The following TBX18 variants were observed in gnomAD, a reference collection of about 807,000 sequenced individuals.
The protein encoded by TBX18 is T-box transcription factor TBX18.
A neutral mutation model predicts 55.0 loss-of-function variants in TBX18; 21 were observed. The ratio of observed to expected loss-of-function variants is 0.38; its 90% CI spans 0.27 to 0.55. The LOEUF is 0.55. Ranked by LOEUF, TBX18 falls within the 20% of genes least tolerant of loss-of-function variation. The probability of loss-of-function intolerance (pLI) is 0.73; values close to 1 mark genes in which losing one functional copy is unlikely to be tolerated. For missense variants in TBX18, 840 were observed against 799.6 expected (o/e 1.05, Z -0.61); for synonymous variants, 342 against 326.1 (o/e 1.05, Z -0.53).
chr6:84,744,365 T>C (rs766928301), intron 5 of TBX18, 40 bp from the exon 6 acceptor site: 2 of 1,585,704 alleles, frequency 1.3e-6, no homozygotes, highest in Admixed American at 1.7e-5. Flanking sequence ...CTTATATAAA[T>C]GTCAAGCAAG....
At position 84,762,699 on chromosome 6, in the gene TBX18, C is replaced by G. The variant is rs1767687194; in HGVS notation, c.342G>C (p.Pro114=). Residue 114 remains proline (P), a synonymous_variant, in exon 2 of 8, where the codon CCG becomes CCC. Coordinates refer to ENST00000369663, the MANE Select transcript of TBX18 (RefSeq NM_001080508.3). ...CCGGAGACCCCTTGGGGGAGCCTCC[C>G]GGTGACGCCAGAGGGGAAGCTCCCT... ...FQQGASPLAS[P]GGSPKGSPAR... The G allele has an allele frequency of 1.9e-6, 3 of 1,610,712 alleles. No individual in the cohort carries two copies. In the South Asian group the frequency reaches 3.3e-5, roughly 18 times the overall value.
chr6:84,757,459 G>A (rs552957232), intron 3 of TBX18, among the ~76,000 whole-genome samples: 2 of 152,014 alleles, frequency 1.3e-5, no homozygotes, highest in African/African-American at 2.4e-5. Flanking sequence ...TATATATTGA[G>A]GACAAAGTAT....
At chr6:84,755,884 T>C (rs1767473720) in intron 4 of TBX18, among the ~76,000 whole-genome samples, 1 of 152,262 alleles carries the variant, frequency 6.6e-6, no homozygotes, top group Non-Finnish European at 1.5e-5. Flanking sequence ...TTCTCATAAA[T>C]ATGCTATCTT....
chr6:84,754,916 A>G (rs76600516), intron 4 of TBX18, among the ~76,000 whole-genome samples: 17,934 of 152,160 alleles, frequency 0.12, 1,205 homozygotes, highest in African/African-American at 0.14. Context: ...CTTCTTCCCT[A>G]GGTCTCCAGG....
rs911039186 is a variant in TBX18 at position 84,733,863 on chromosome 6, G to T, written c.*2822C>A. The T allele has an allele frequency of 6.6e-6, 1 of 152,086 alleles. No individual in the cohort carries two copies. The highest frequency in any genetic ancestry group is 1.5e-5 in the Non-Finnish European group (1 of 68,014). The allele number at this position is 152,086 out of a possible 1,614,324, so 9.4% of individuals were successfully genotyped here. A position where few individuals can be genotyped will look rare whatever the true frequency, so the allele number is the denominator to read the frequency against. ...GCTAATTGATGTAAAGAGTGAGTAT[G>T]ATCCTTCCTTATATAGGTTACACTG... On this transcript the variant is annotated 3_prime_UTR_variant, in exon 8 of 8. Transcript: ENST00000369663.
chr6:84,762,704 A>T lies in TBX18; in HGVS notation c.337T>A (p.Ser113Thr), dbSNP rs777230851. The change falls in exon 2 of 8, where the codon TCA becomes ACA. Residue 113 changes from serine to threonine, a missense_variant. Transcript: ENST00000369663. Reference protein sequence around the residue: ...GFQQGASPLASPGGSPKGSPA... With the variant: ...GFQQGASPLATPGGSPKGSPA... ...GACCCCTTGGGGGAGCCTCCCGGTGACGCCAGAGGGGAAGCTCCCTGCTGG... is the reference window on the plus strand; with the variant it reads ...GACCCCTTGGGGGAGCCTCCCGGTGTCGCCAGAGGGGAAGCTCCCTGCTGG... 6.2e-7 allele frequency: 1 copy of T among 1,610,688 alleles called. No homozygotes were observed. The highest frequency in any genetic ancestry group is 1.1e-5 in the South Asian group (1 of 90,932).
At chr6:84,762,333 A>G (rs917258330) in intron 2 of TBX18, among the ~76,000 whole-genome samples, 1 of 152,216 alleles carries the variant, frequency 6.6e-6, no homozygotes, top group Non-Finnish European at 1.5e-5. Flanking sequence ...ATTCAACCAG[A>G]GGGCAGTTGG....
Position 84,762,549 on chromosome 6 carries a change from G to C in TBX18, c.492C>G (p.Ala164=). ...CACGCCAGCTTGCCCATTACCTGCC[G>C]GCCTTGGTGATGATCATCTCAGTGC... ...EIGTEMIITK[A]GRRMFPAMRV... Residue 164 remains alanine, a synonymous_variant, in exon 2 of 8, where the codon GCC becomes GCG. Transcript: ENST00000369663. 6.2e-7 allele frequency: 1 copy of C among 1,614,040 alleles called. No individual in the cohort carries two copies. Among genetic ancestry groups the C allele is most frequent in the Non-Finnish European group, 8.5e-7 (1 of 1,180,022 alleles).
chr6:84,762,400 AC>A, intron 2 of TBX18, 143 bp downstream of exon 2: 1 of 977,284 alleles, frequency 1.0e-6, no homozygotes, highest in Non-Finnish European at 1.6e-6. Flanking sequence ...AAAGTGAACC[AC>A]GGTCTGGGGC....
At position 84,763,884 on chromosome 6, in the gene TBX18, A is replaced by G; in HGVS notation, c.292+6T>C. The G allele has an allele frequency of 6.7e-7, 1 of 1,497,602 alleles. No homozygotes were observed. The highest frequency in any genetic ancestry group is 8.8e-7 in the Non-Finnish European group (1 of 1,133,154). The allele number at this position is 1,497,602 out of a possible 1,614,324, so 92.8% of individuals were successfully genotyped here. A position where few individuals can be genotyped will look rare whatever the true frequency, so the allele number is the denominator to read the frequency against. On this transcript the variant is annotated splice_donor_region_variant and intron_variant, in intron 1 of 7. Transcript: ENST00000369663. ...AGAAGTTATAGGCAGGAAGGGGCCCACTCACCCGCGGCTCCGCGCTCCAGG... is the reference window on the plus strand; with the variant it reads ...AGAAGTTATAGGCAGGAAGGGGCCCGCTCACCCGCGGCTCCGCGCTCCAGG...
chr6:84,738,654 T>C (rs1766958050), intron 6 of TBX18, 63 bp from the exon 7 acceptor site: 21 of 1,244,422 alleles, frequency 1.7e-5, no homozygotes, highest in Admixed American at 6.7e-5. Flanking sequence ...ATTTGGATCT[T>C]TCACCAGCAG....
chr6:84,761,360 A>G (rs1658820429), intron 2 of TBX18, among the ~76,000 whole-genome samples: 1 of 152,176 alleles, frequency 6.6e-6, no homozygotes. Context: ...CTAACTAGGT[A>G]TGGGAACAGT....
chr6:84,739,408 A>G (rs946916955), intron 6 of TBX18, among the ~76,000 whole-genome samples: 5 of 152,108 alleles, frequency 3.3e-5, no homozygotes, highest in Non-Finnish European at 5.9e-5. Context: ...TATATCAACC[A>G]TCTCCTACCA....
intron 4 of TBX18, among the ~76,000 whole-genome samples, chr6:84,750,503 C>T (rs1294258101): frequency 6.6e-6 from 1 of 152,048 alleles, no homozygotes; most frequent in African/African-American, 2.4e-5. Flanking sequence ...ATGCAGGGTT[C>T]TGTGTGACAT....
At chr6:84,746,780 T>C (rs1767206331) in intron 5 of TBX18, among the ~76,000 whole-genome samples, 1 of 150,320 alleles carries the variant, frequency 6.7e-6, no homozygotes, top group South Asian at 2.1e-4. Flanking sequence ...GGTCCTATTA[T>C]TATTAGCATG....
chr6:84,755,952 T>C (rs1767475921), intron 4 of TBX18, among the ~76,000 whole-genome samples: 1 of 152,240 alleles, frequency 6.6e-6, no homozygotes. Context: ...TGATATATTC[T>C]TCGAAAGGCA....
In TBX18 at chr6:84,764,175, C is replaced by G. The variant is rs759307611; in HGVS notation, c.7G>C (p.Glu3Gln). Residue 3 changes from glutamate (E) to glutamine (Q), a missense_variant, in exon 1 of 8, where the codon GAG becomes CAG. Transcript: ENST00000369663. MA[E>Q]KRRGSPCSML... ...CTGCACGGCGAGCCCCTTCGCTTCT[C>G]GGCCATCCCCCCCGCCCCGCGCCCG... 6.8e-7 allele frequency: 1 copy of G among 1,477,512 alleles called. No homozygotes were observed. Among genetic ancestry groups the G allele is most frequent in the Non-Finnish European group, 8.9e-7 (1 of 1,121,990 alleles). The allele number at this position is 1,477,512 out of a possible 1,614,324, so 91.5% of individuals were successfully genotyped here.
In TBX18 at chr6:84,763,891, C is replaced by T. The variant is rs1192420643; in HGVS notation, c.291G>A (p.Ala97=). 2 of 1,503,446 alleles carry T rather than the reference C, an allele frequency of 1.3e-6. No individual in the cohort carries two copies. The highest frequency in any genetic ancestry group is 1.8e-6 in the Non-Finnish European group (2 of 1,136,404). 93.1% of individuals were successfully genotyped at this position (1,503,446 alleles called of 1,614,324 possible). The change falls in exon 1 of 8, where the codon GCG becomes GCA. Residue 97 remains alanine (A), a splice_region_variant and synonymous_variant. Transcript: ENST00000369663. ...RSGADLERGA[A]GGCEDGFQQG... Reference sequence around the variant, plus strand: ...ATAGGCAGGAAGGGGCCCACTCACCCGCGGCTCCGCGCTCCAGGTCTGCGC... The same window carrying T: ...ATAGGCAGGAAGGGGCCCACTCACCTGCGGCTCCGCGCTCCAGGTCTGCGC...
At chr6:84,762,840 G>C (rs1405619412) in intron 1 of TBX18, 92 bp from the exon 2 acceptor site, 1 of 1,240,258 alleles carries the variant, frequency 8.1e-7, no homozygotes, top group Non-Finnish European at 1.1e-6. Flanking sequence ...CTGAGAAGAG[G>C]AAAATGACCG....
Sources: gnomAD v4.1 joint callset for allele counts (sites outside exome capture counted in the v4.1 genomes callset) on GRCh38, gnomAD v4.1.1 for gene constraint, MANE v1.5 for transcripts, NCBI Gene and HGNC (gene_info 2026-07-23, HGNC 2026-07-21) for gene names.